The following LHFPL2 variants were observed in gnomAD, a reference collection of about 807,000 sequenced individuals.
LHFPL2 encodes the protein LHFPL tetraspan subfamily member 2 protein.
LHFPL2 carries 7 observed loss-of-function variants against 17.5 expected under a neutral mutation model. The ratio of observed to expected loss-of-function variants is 0.40; its 90% CI spans 0.23 to 0.75. The LOEUF is 0.75. Among genes scored for constraint, LHFPL2 ranks in the 30% least tolerant of loss-of-function variants. The probability of loss-of-function intolerance (pLI) is 0.37; values close to 1 mark genes in which losing one functional copy is unlikely to be tolerated. For missense variants in LHFPL2, 241 were observed against 294.8 expected, an observed-to-expected ratio of 0.82 and a Z score of 1.34; for synonymous variants, 134 against 116.2, an observed-to-expected ratio of 1.15 and a Z score of -0.99.
At chr5:78,517,588 C>T (rs971522627) in intron 3 of LHFPL2, among the ~76,000 whole-genome samples, 3 of 152,220 alleles carry the variant, frequency 2.0e-5, no homozygotes, top group African/African-American at 7.2e-5. Context: ...AAAGGTACAC[C>T]TTACATGGCA....
chr5:78,579,866 G>C (rs1443624217), intron 2 of LHFPL2, among the ~76,000 whole-genome samples: 2 of 152,178 alleles, frequency 1.3e-5, no homozygotes, highest in Non-Finnish European at 2.9e-5. Flanking sequence ...CCCAGTAATG[G>C]GATGGCTGGG....
intron 2 of LHFPL2, among the ~76,000 whole-genome samples, chr5:78,620,733 A>G (rs1403661989): frequency 1.3e-5 from 2 of 152,242 alleles, no homozygotes; most frequent in Non-Finnish European, 2.9e-5. Flanking sequence ...CCACATGATC[A>G]GCGCAGAACG....
chr5:78,555,424 A>G (rs1205033798), intron 3 of LHFPL2, among the ~76,000 whole-genome samples: 1 of 152,250 alleles, frequency 6.6e-6, no homozygotes, highest in Non-Finnish European at 1.5e-5. Context: ...TCTAATTGGG[A>G]AAACAGACAT....
At chr5:78,547,189 G>A (rs373472264) in intron 3 of LHFPL2, among the ~76,000 whole-genome samples, 28 of 152,150 alleles carry the variant, frequency 1.8e-4, no homozygotes, top group African/African-American at 6.0e-4. Flanking sequence ...CACTCAGCCC[G>A]AACCCTAAGA....
chr5:78,504,635 G>A (rs1754877814), intron 4 of LHFPL2, among the ~76,000 whole-genome samples: 1 of 152,174 alleles, frequency 6.6e-6, no homozygotes, highest in African/African-American at 2.4e-5. Context: ...TATATAAGCA[G>A]CAAAGGCAAA....
intron 3 of LHFPL2, among the ~76,000 whole-genome samples, chr5:78,511,471 C>T (rs1008555199): frequency 2.0e-5 from 3 of 152,188 alleles, no homozygotes; most frequent in Non-Finnish European, 4.4e-5. Flanking sequence ...CATTTTCTGC[C>T]CCATTCCAAG....
At chr5:78,608,791 G>A (rs1744313764) in intron 2 of LHFPL2, among the ~76,000 whole-genome samples, 2 of 152,150 alleles carry the variant, frequency 1.3e-5, no homozygotes, top group South Asian at 4.2e-4. Context: ...AATTAGCCGG[G>A]CGCGGTGGCG....
In LHFPL2 at chr5:78,535,684, A is replaced by G. The variant is rs1178274937; in HGVS notation, c.-185-25286T>C. 2.0e-5 allele frequency among the ~76,000 whole-genome samples: 3 copies of G among 152,204 alleles called. No homozygotes were observed. The East Asian group carries it at 5.8e-4, about 29-fold the overall frequency. On this transcript the variant is annotated intron_variant, in intron 3 of 4. Transcript: ENST00000380345. ...GTGAGGCTGAGACCCACTCCCCACC[A>G]AGCCTGTGGCTGGGGGCGCCTCTGG... is the stretch of plus-strand genomic sequence containing the variant.
intron 2 of LHFPL2, among the ~76,000 whole-genome samples, chr5:78,574,412 G>A (rs1403526195): frequency 6.6e-6 from 1 of 152,164 alleles, no homozygotes; most frequent in Non-Finnish European, 1.5e-5. Flanking sequence ...AGTTGGTTGG[G>A]GTTAAAAGTA....
intron 2 of LHFPL2, among the ~76,000 whole-genome samples, chr5:78,616,328 C>T (rs953438370): frequency 3.3e-5 from 5 of 152,050 alleles, no homozygotes; most frequent in Non-Finnish European, 5.9e-5. Context: ...GGGGTTTCAC[C>T]GTGTTAGCCA....
chr5:78,529,816 A>G (rs1159807716), intron 3 of LHFPL2, among the ~76,000 whole-genome samples: 1 of 152,268 alleles, frequency 6.6e-6, no homozygotes, highest in Non-Finnish European at 1.5e-5. Context: ...AATTTATAAA[A>G]GCATCAGGGT....
chr5:78,568,591 T>C lies in LHFPL2; in HGVS notation c.-244-3720A>G, dbSNP rs571898782. ...ACTCTGTAAAACTAGAACCAAGGAGTGAAAATTACCTTGGAAATGACAGGG... is the reference window on the plus strand; with the variant it reads ...ACTCTGTAAAACTAGAACCAAGGAGCGAAAATTACCTTGGAAATGACAGGG... On this transcript the variant is annotated intron_variant, in intron 2 of 4. Coordinates refer to ENST00000380345, the MANE Select transcript of LHFPL2 (RefSeq NM_005779.3). Among the ~76,000 whole-genome samples, 3 of 152,144 alleles carry C rather than the reference T, an allele frequency of 2.0e-5. No homozygotes were observed. The South Asian group carries it at 6.2e-4, about 32-fold the overall frequency.
intron 2 of LHFPL2, among the ~76,000 whole-genome samples, chr5:78,601,178 G>A (rs186507544): frequency 6.6e-6 from 1 of 152,336 alleles, no homozygotes; most frequent in East Asian, 1.9e-4. Flanking sequence ...ATTTGGCCTA[G>A]TGATGAAAGG....
At chr5:78,590,101 A>G (rs556077461) in intron 2 of LHFPL2, 2 of 152,304 alleles carry the variant, frequency 1.3e-5, no homozygotes, top group Admixed American at 6.5e-5. Flanking sequence ...CTCTTGCATC[A>G]TTATACAAAC....
chr5:78,618,369 C>T (rs1744694532), intron 2 of LHFPL2, among the ~76,000 whole-genome samples: 2 of 152,096 alleles, frequency 1.3e-5, no homozygotes, highest in African/African-American at 4.8e-5. Context: ...AGAATTTGGG[C>T]AAGGAGCAGC....
chr5:78,559,779 AT>A (rs1756674553), intron 3 of LHFPL2, among the ~76,000 whole-genome samples: 1 of 152,238 alleles, frequency 6.6e-6, no homozygotes, highest in Admixed American at 6.5e-5. Context: ...GATGGTATAA[AT>A]GTATCCTATA....
At chr5:78,560,942 T>G (rs926714240) in intron 3 of LHFPL2, among the ~76,000 whole-genome samples, 1 of 152,202 alleles carries the variant, frequency 6.6e-6, no homozygotes, top group Non-Finnish European at 1.5e-5. Flanking sequence ...TTAATTAAAA[T>G]TTTTAGTAGC....
intron 2 of LHFPL2, among the ~76,000 whole-genome samples, chr5:78,582,964 G>A (rs112543650): frequency 6.6e-6 from 1 of 152,156 alleles, no homozygotes; most frequent in African/African-American, 2.4e-5. Flanking sequence ...ATGAATCTGG[G>A]TGCTCCTGTA....
At position 78,490,098 on chromosome 5, in the gene LHFPL2, G is replaced by A. The variant is rs532997031; in HGVS notation, c.431-945C>T. On this transcript the variant is annotated intron_variant, in intron 4 of 4. Coordinates refer to ENST00000380345, the MANE Select transcript of LHFPL2 (RefSeq NM_005779.3). The stretch of plus-strand genomic sequence containing the variant: ...AACTTTGTAAGGACTTTCTGTCTGC[G>A]TACTTTTAAGAGAGTGGACACTAAT... Among the ~76,000 whole-genome samples, 9 of 152,324 alleles carry A rather than the reference G, an allele frequency of 5.9e-5. No individual in the cohort carries two copies. The South Asian group carries it at 6.2e-4, about 11-fold the overall frequency.
Sources: gnomAD v4.1 joint callset for allele counts (sites outside exome capture counted in the v4.1 genomes callset) on GRCh38, gnomAD v4.1.1 for gene constraint, MANE v1.5 for transcripts, NCBI Gene and HGNC (gene_info 2026-07-23, HGNC 2026-07-21) for gene names.